Variants in COL16A1 observed in about 807,000 individuals in gnomAD.
COL16A1 encodes collagen type XVI alpha 1 chain, also known as collagen alpha-1(XVI) chain.
Under a neutral mutation model 266.3 loss-of-function variants are expected in COL16A1, and 189 were observed. The observed-to-expected ratio is 0.71, with a 90% CI of 0.63 to 0.80. COL16A1 has a LOEUF of 0.80. Among genes scored for constraint, COL16A1 ranks in the 30% least tolerant of loss-of-function variants. The pLI is 0.00. For missense variants in COL16A1, 1,928 were observed against 2,122.4 expected (o/e 0.91, Z 1.80); for synonymous variants, 740 against 782.3 (o/e 0.95, Z 0.90).
chr1:31,693,985 A>AC (rs1644387571), intron 12 of COL16A1, among the ~76,000 whole-genome samples, 159 bp downstream of exon 12: 1 of 152,188 alleles, frequency 6.6e-6, no homozygotes, highest in Admixed American at 6.5e-5. Flanking sequence ...GCACACACAC[A>AC]AACCCCTGCT....
chr1:31,694,054 T>A (rs951395502), intron 12 of COL16A1, 90 bp downstream of exon 12: 1 of 1,282,328 alleles, frequency 7.8e-7, no homozygotes, highest in Non-Finnish European at 1.1e-6. Context: ...GTGGCCCTGA[T>A]AGAAACACAC....
intron 16 of COL16A1, 148 bp from the exon 17 acceptor site, chr1:31,692,215 G>T: frequency 7.6e-7 from 1 of 1,310,842 alleles, no homozygotes; most frequent in Non-Finnish European, 1.1e-6. Context: ...CGGGAGGGTA[G>T]ACAACAGACC....
At chr1:31,691,907 C>T (rs1158057183) in intron 17 of COL16A1, 98 bp downstream of exon 17, 1 of 1,578,530 alleles carries the variant, frequency 6.3e-7, no homozygotes, top group East Asian at 2.2e-5. Context: ...CCCACCCTGT[C>T]TGAGCAAGGG....
rs1182619146 is a variant in COL16A1 at position 31,691,190 on chromosome 1, T to C, written c.1435A>G (p.Lys479Glu). 23 of 1,613,810 alleles carry C rather than the reference T, an allele frequency of 1.4e-5. No homozygotes were observed. Among genetic ancestry groups the C allele is most frequent in the Admixed American group, 3.3e-5 (2 of 59,968 alleles). The change falls in exon 20 of 71, where the codon AAG becomes GAG. Residue 479 changes from lysine to glutamate, a missense_variant and splice_region_variant. Transcript: ENST00000373672. ...PGGPPGPKGD[K>E]GSSGIPGKEG... Reference sequence around the variant, plus strand: ...ACCACACTCCCACCTATGCTCACCTTGTCTCCCTTGGGGCCTGGTGGGCCA... The same window carrying C: ...ACCACACTCCCACCTATGCTCACCTCGTCTCCCTTGGGGCCTGGTGGGCCA...
rs1165697422 is a variant in COL16A1, at chr1:31,656,861, CA to C, written c.4056+171del. On this transcript the variant is annotated intron_variant, in intron 65 of 70. Coordinates refer to ENST00000373672, the MANE Select transcript of COL16A1 (RefSeq NM_001856.4). The surrounding 1 kb of genome is among the most constrained non-coding windows in gnomAD (Gnocchi z 4.2). Reference sequence around the variant, plus strand: ...AAAAAGGTAAAACAAATCTCACTCCCATCCTTGGCCTCAAGTCTCTAATTCC... The same window carrying C: ...AAAAAGGTAAAACAAATCTCACTCCCTCCTTGGCCTCAAGTCTCTAATTCC... 1 of 785,326 alleles carries C rather than the reference CA, an allele frequency of 1.3e-6. No individual in the cohort carries two copies. The allele number at this position is 785,326 out of a possible 1,614,324, so 48.6% of individuals were successfully genotyped here. A position where few individuals can be genotyped will look rare whatever the true frequency, so the allele number is the denominator to read the frequency against.
Position 31,656,989 on chromosome 1 carries a change from A to G in COL16A1, c.4056+44T>C, listed in dbSNP as rs2148654131. On this transcript the variant is annotated intron_variant, in intron 65 of 70. Coordinates refer to ENST00000373672, the MANE Select transcript of COL16A1 (RefSeq NM_001856.4). The surrounding 1 kb of genome is among the most constrained non-coding windows in gnomAD (Gnocchi z 4.2). ...GAGGGGTCAGGGCAAGGCGAGGAGC[A>G]AGAAGCACCCCCAAGGAAACAGAGA... 1.2e-6 allele frequency: 2 copies of G among 1,613,900 alleles called. No individual in the cohort carries two copies. The highest frequency in any genetic ancestry group is 1.7e-6 in the Non-Finnish European group (2 of 1,179,808).
chr1:31,683,717 T>G lies in COL16A1; in HGVS notation c.2369A>C (p.Gln790Pro). 1 of 1,614,144 alleles carries G rather than the reference T, an allele frequency of 6.2e-7. No homozygotes were observed. The highest frequency in any genetic ancestry group is 1.1e-5 in the South Asian group (1 of 91,090). The change falls in exon 34 of 71, where the codon CAG becomes CCG. Residue 790 changes from glutamine to proline, a missense_variant. By Grantham distance (76) the Gln-to-Pro change is moderately conservative. Transcript: ENST00000373672. ...GEPGPPGRGV[Q>P]GPQGEPGAPG... ...GGGCTAGAGACTCACCTGGGGTCCC[T>G]GGACTCCCCTTCCTGGAGGCCCTGG...
In COL16A1 at chr1:31,672,604, C is replaced by G; in HGVS notation, c.3010G>C (p.Glu1004Gln). Reference sequence around the variant, plus strand: ...TAAGGCGAGGCACTCACCCGGGCCTCCTCGGCTCTTGGGCGCTCCAGTGAC... The same window carrying G: ...TAAGGCGAGGCACTCACCCGGGCCTGCTCGGCTCTTGGGCGCTCCAGTGAC... ...FLSLERPRAEEARGDNSEGDP... is the reference protein window; with the variant it reads ...FLSLERPRAEQARGDNSEGDP... Residue 1004 changes from glutamate to glutamine, a missense_variant, in exon 46 of 71, where the codon GAG (glutamate) becomes CAG (glutamine). Physicochemically the swap from Glu to Gln is conservative, Grantham distance 29. Coordinates refer to ENST00000373672, the MANE Select transcript of COL16A1 (RefSeq NM_001856.4). 6.2e-7 allele frequency: 1 copy of G among 1,606,690 alleles called. No homozygotes were observed. Among genetic ancestry groups the G allele is most frequent in the South Asian group, 1.1e-5 (1 of 90,238 alleles).
At position 31,662,685 on chromosome 1, in the gene COL16A1, C is replaced by G. The variant is rs771949026; in HGVS notation, c.3556-27G>C. On this transcript the variant is annotated intron_variant, in intron 56 of 70. Coordinates refer to ENST00000373672, the MANE Select transcript of COL16A1 (RefSeq NM_001856.4). ...TGGAAACCAGCGCCGCCCCCCCCCC[C>G]CGCCCCACAATAAAGTCAGCAGGGC... The G allele has an allele frequency of 6.7e-6, 7 of 1,047,950 alleles. No individual in the cohort carries two copies. The East Asian group carries it at 1.5e-4, about 23-fold the overall frequency. The allele number at this position is 1,047,950 out of a possible 1,614,324, so 64.9% of individuals were successfully genotyped here. A position where few individuals can be genotyped will look rare whatever the true frequency, so the allele number is the denominator to read the frequency against.
At chr1:31,683,425 T>TGGCCCTGCCGCACC in intron 34 of COL16A1, 56 bp from the exon 35 acceptor site, 1 of 1,612,016 alleles carries the variant, frequency 6.2e-7, no homozygotes, top group Non-Finnish European at 8.5e-7. Context: ...CCTGCCCCAC[T>TGGCCCTGCCGCACC]GGCCCTGCCG....
At position 31,668,043 on chromosome 1, in the gene COL16A1, G is replaced by A; in HGVS notation, c.3303+122C>T. ...GCTGCATGGACTTTAGGCAAAGGAG[G>A]AGGCTGAAATGCCCGGTAATGGGGA... On this transcript the variant is annotated intron_variant, in intron 51 of 70. Transcript: ENST00000373672. This position sits in a 1 kb window ranked among gnomAD's most constrained non-coding sequence, Gnocchi z 5.8. 1 of 806,366 alleles carries A rather than the reference G, an allele frequency of 1.2e-6. No homozygotes were observed. Among genetic ancestry groups the A allele is most frequent in the Non-Finnish European group, 2.0e-6 (1 of 500,214 alleles). The allele number at this position is 806,366 out of a possible 1,614,324, so 50.0% of individuals were successfully genotyped here. A position where few individuals can be genotyped will look rare whatever the true frequency, so the allele number is the denominator to read the frequency against.
chr1:31,665,697 G>T, intron 54 of COL16A1, 79 bp from the exon 55 acceptor site: 1 of 1,594,450 alleles, frequency 6.3e-7, no homozygotes. Context: ...AGAGTGACGG[G>T]GGGGGCACCC....
intron 42 of COL16A1, among the ~76,000 whole-genome samples, chr1:31,676,984 C>G (rs1178076204): frequency 6.6e-6 from 1 of 152,250 alleles, no homozygotes; most frequent in Non-Finnish European, 1.5e-5. Flanking sequence ...CCGGAGCCAG[C>G]CACCATCCAG....
At chr1:31,696,053 G>A (rs766119324) in intron 9 of COL16A1, 35 bp downstream of exon 9, 3 of 1,573,808 alleles carry the variant, frequency 1.9e-6, no homozygotes, top group Non-Finnish European at 8.7e-7. Context: ...GCAGACTGAG[G>A]GCAGGTAGGC....
intron 58 of COL16A1, 29 bp from the exon 59 acceptor site, chr1:31,661,733 C>G: frequency 6.3e-7 from 1 of 1,588,004 alleles, no homozygotes; most frequent in Non-Finnish European, 8.5e-7. Context: ...AGGATTGAGA[C>G]AAGAGTTTTG....
chr1:31,672,333 G>A, intron 47 of COL16A1, 83 bp downstream of exon 47: 1 of 1,502,810 alleles, frequency 6.7e-7, no homozygotes, highest in East Asian at 2.3e-5. Flanking sequence ...TCAGTCAGGT[G>A]AGGCCTCGGA....
At position 31,660,721 on chromosome 1, in the gene COL16A1, C is replaced by G. The variant is rs1027213920; in HGVS notation, c.3826-83G>C. ...GGCTGTCGGATGGGAGGGGGCTGGG[C>G]AGAATACATGGTAATGCCAATGGCC... is the stretch of plus-strand genomic sequence containing the variant. On this transcript the variant is annotated intron_variant, in intron 61 of 70. Coordinates refer to ENST00000373672, the MANE Select transcript of COL16A1 (RefSeq NM_001856.4). 6 of 1,583,730 alleles carry G rather than the reference C, an allele frequency of 3.8e-6. No homozygotes were observed. The African/African-American group carries it at 8.1e-5, about 21-fold the overall frequency.
intron 42 of COL16A1, chr1:31,679,260 C>A: frequency 1.4e-6 from 1 of 725,736 alleles, no homozygotes; most frequent in Non-Finnish European, 2.2e-6. Context: ...GTATTCACAG[C>A]AGTTAAAGCA....
intron 67 of COL16A1, 109 bp from the exon 68 acceptor site, chr1:31,654,967 G>A: frequency 3.4e-5 from 13 of 384,108 alleles, no homozygotes; most frequent in Admixed American, 1.5e-4. Context: ...GCCTCCCACA[G>A]ATTCTTTTTT....
Sources: allele counts gnomAD v4.1 joint callset (sites outside exome capture counted in the v4.1 genomes callset), GRCh38; gene constraint gnomAD v4.1.1; non-coding constraint Gnocchi (gnomAD v3.1); transcripts MANE v1.5; gene names NCBI Gene and HGNC (gene_info 2026-07-23, HGNC 2026-07-21).